DHRS1: variants seen among roughly 807,000 people sequenced by gnomAD.
The protein encoded by DHRS1 is dehydrogenase/reductase 1.
Under a neutral mutation model 35.2 loss-of-function variants are expected in DHRS1, and 34 were observed. That is an observed-to-expected ratio of 0.97 (90% CI 0.74 to 1.29). DHRS1 has a LOEUF of 1.29. Among genes scored for constraint, DHRS1 ranks in the 50% most tolerant of loss-of-function variants. DHRS1 has a pLI of 0.00. For missense variants in DHRS1, 354 were observed against 403.6 expected (o/e 0.88, Z 1.05); for synonymous variants, 133 against 160.0 (o/e 0.83, Z 1.27).
Position 24,290,759 on chromosome 14 carries a change from G to T in DHRS1, c.*100C>A, listed in dbSNP as rs2041143651. ...GCAGAGGGCTTCTCTTCATATCAAG[G>T]GTATGGGTAAACAAGAAAGGCTGCT... On this transcript the variant is annotated 3_prime_UTR_variant, in exon 9 of 9. Coordinates refer to ENST00000288111, the MANE Select transcript of DHRS1 (RefSeq NM_001136050.3). The T allele has an allele frequency of 1.3e-6, 2 of 1,481,740 alleles. No homozygotes were observed. Among genetic ancestry groups the T allele is most frequent in the South Asian group, 2.4e-5 (2 of 82,904 alleles). 91.8% of individuals were successfully genotyped at this position (1,481,740 alleles called of 1,614,324 possible).
intron 4 of DHRS1, chr14:24,293,035 TAAC>T: frequency 2.1e-6 from 1 of 468,506 alleles, no homozygotes; most frequent in East Asian, 3.9e-5. Context: ...CCTGTCACAA[TAAC>T]AATTACAAAC....
At chr14:24,299,207 G>T in intron 1 of DHRS1, 77 bp from the exon 2 acceptor site, 1 of 1,367,776 alleles carries the variant, frequency 7.3e-7, no homozygotes, top group Non-Finnish European at 9.8e-7. Context: ...GGGTAGGGGA[G>T]AACCTCACTA....
At chr14:24,299,289 G>A in intron 1 of DHRS1, 159 bp from the exon 2 acceptor site, 1 of 646,640 alleles carries the variant, frequency 1.5e-6, no homozygotes, top group Non-Finnish European at 2.6e-6. Flanking sequence ...CTGGGTGCGG[G>A]CCTGAGGACA....
rs2041184090 is a variant in DHRS1, at chr14:24,292,712, G to A, written c.447C>T (p.Ile149=). ...TATACTGCAGGCTTCCTGGGGAGGA[G>A]ATGACCACGATGAGCCCCTGGCCAG... The part of the protein sequence containing the change: ...VPAGQGLIVV[I]SSPGSLQYMF... Residue 149 remains isoleucine, a synonymous_variant, in exon 5 of 9, where the codon ATC becomes ATT. Coordinates refer to ENST00000288111, the MANE Select transcript of DHRS1 (RefSeq NM_001136050.3). 1 of 1,614,084 alleles carries A rather than the reference G, an allele frequency of 6.2e-7. No homozygotes were observed. Among genetic ancestry groups the A allele is most frequent in the African/African-American group, 1.3e-5 (1 of 74,922 alleles).
chr14:24,291,483 T>C, intron 7 of DHRS1, 73 bp downstream of exon 7: 1 of 1,496,134 alleles, frequency 6.7e-7, no homozygotes, highest in Non-Finnish European at 9.3e-7. Context: ...CCGAGCCAGA[T>C]CTGGGCACTG....
chr14:24,296,407 G>C (rs2041247538), intron 4 of DHRS1, 102 bp downstream of exon 4: 2 of 1,122,742 alleles, frequency 1.8e-6, no homozygotes, highest in Admixed American at 1.8e-5. Flanking sequence ...GAAAGAGATG[G>C]GGGAGGCCGG....
At chr14:24,293,226 CT>C (rs201207960) in intron 4 of DHRS1, 1,956 of 155,658 alleles carry the variant, frequency 0.013, 16 homozygotes, top group Non-Finnish European at 0.02. Flanking sequence ...TCAATAAGAC[CT>C]TTTGGAGGAA....
chr14:24,296,691 A>AG (rs1343398446), intron 3 of DHRS1, 47 bp downstream of exon 3: 3 of 1,613,710 alleles, frequency 1.9e-6, no homozygotes, highest in Non-Finnish European at 2.5e-6. Flanking sequence ...CAGGGGTCTG[A>AG]GGGGGAGGTC....
At chr14:24,291,756 T>C (rs2041162060) in intron 6 of DHRS1, 131 bp from the exon 7 acceptor site, 2 of 924,884 alleles carry the variant, frequency 2.2e-6, no homozygotes, top group African/African-American at 1.6e-5. Context: ...AAGCAGGGCC[T>C]GTAGGACCCA....
Position 24,290,871 on chromosome 14 carries a change from AG to A in DHRS1, c.929del (p.Thr310IlefsTer84). 1 of 1,613,824 alleles carries A rather than the reference AG, an allele frequency of 6.2e-7. No individual in the cohort carries two copies. The highest frequency in any genetic ancestry group is 8.5e-7 in the Non-Finnish European group (1 of 1,179,954). On this transcript the variant is annotated frameshift_variant, in exon 9 of 9. Coordinates refer to ENST00000288111, the MANE Select transcript of DHRS1 (RefSeq NM_001136050.3). LOFTEE classifies it high-confidence loss of function. ...RVPKWIIALY[T>X]SKF is the part of the protein sequence containing the mutation. ...CAGACCAGGAGGGTTAGAACTTGCT[AG>A]TGTAGAGGGCAATAATCCACTTGGG...
chr14:24,291,410 G>A, intron 7 of DHRS1, 146 bp downstream of exon 7: 1 of 1,079,266 alleles, frequency 9.3e-7, no homozygotes. Context: ...CCTCAAACTG[G>A]GAATGCTGAC....
At chr14:24,299,187 C>A in intron 1 of DHRS1, 57 bp from the exon 2 acceptor site, 2 of 1,478,424 alleles carry the variant, frequency 1.4e-6, no homozygotes, top group South Asian at 1.3e-5. Context: ...TGTGTTGGGG[C>A]GAGGTTGGGG....
At chr14:24,299,172 G>C (rs2041320996) in intron 1 of DHRS1, 42 bp from the exon 2 acceptor site, 1 of 1,505,252 alleles carries the variant, frequency 6.6e-7, no homozygotes, top group Non-Finnish European at 9.0e-7. Context: ...CCTGGAGACT[G>C]TGTGTGTGTT....
At chr14:24,292,606 A>T in intron 5 of DHRS1, 46 bp downstream of exon 5, 1 of 1,614,136 alleles carries the variant, frequency 6.2e-7, no homozygotes, top group South Asian at 1.1e-5. Context: ...TATAGGTAAC[A>T]TCACTGTCTT....
rs771407224 is a variant in DHRS1, at chr14:24,296,501, G to A, written c.374+8C>T. 1 of 1,614,004 alleles carries A rather than the reference G, an allele frequency of 6.2e-7. No individual in the cohort carries two copies. Among genetic ancestry groups the A allele is most frequent in the Non-Finnish European group, 8.5e-7 (1 of 1,179,988 alleles). ...AGGGAACATGGGTCCTGGCAGTGGA[G>A]CACCCACCTGAGTCCGACGTTGTTG... On this transcript the variant is annotated splice_region_variant and intron_variant, in intron 4 of 8. Coordinates refer to ENST00000288111, the MANE Select transcript of DHRS1 (RefSeq NM_001136050.3).
chr14:24,296,362 A>G, intron 4 of DHRS1, 147 bp downstream of exon 4: 2 of 760,468 alleles, frequency 2.6e-6, no homozygotes, highest in Non-Finnish European at 4.4e-6. Context: ...GAACTTCTCC[A>G]GAGGTAAGTG....
rs775730024 is a variant in DHRS1 at position 24,290,951 on chromosome 14, G to T, written c.850C>A (p.His284Asn). 15 of 1,614,052 alleles carry T rather than the reference G, an allele frequency of 9.3e-6. No homozygotes were observed. In the Admixed American group the frequency reaches 1.7e-4, roughly 18 times the overall value. The change falls in exon 9 of 9, where the codon CAC becomes AAC. Residue 284 changes from histidine (H) to asparagine (N), a missense_variant. His to Asn is a moderately conservative substitution (Grantham distance 68). Transcript: ENST00000288111. ...GCCAGCCAGCCCAGGCCGGACACGT[G>T]TGAGAGAACAGAGCTCAAAGACAAA... ...DYLSLSSVLS[H>N]VSGLGWLASY...
intron 4 of DHRS1, 94 bp downstream of exon 4, chr14:24,296,415 C>T (rs2041247741): frequency 2.5e-6 from 3 of 1,212,362 alleles, no homozygotes; most frequent in African/African-American, 1.5e-5. Flanking sequence ...TGGGGGAGGC[C>T]GGAGGGAAAA....
chr14:24,295,317 TA>T (rs1319892900), intron 4 of DHRS1, among the ~76,000 whole-genome samples: 1 of 152,166 alleles, frequency 6.6e-6, no homozygotes, highest in Non-Finnish European at 1.5e-5. Flanking sequence ...TTTCCATATT[TA>T]AAAAAAGTAA....
Sources: gnomAD v4.1 joint callset for allele counts (sites outside exome capture counted in the v4.1 genomes callset) on GRCh38, gnomAD v4.1.1 for gene constraint, MANE v1.5 for transcripts, NCBI Gene and HGNC (gene_info 2026-07-23, HGNC 2026-07-21) for gene names.